The following MDGA1 variants were observed in gnomAD, a reference collection of about 807,000 sequenced individuals.
MDGA1 encodes MAM domain containing glycosylphosphatidylinositol anchor 1, also known as MAM domain-containing glycosylphosphatidylinositol anchor protein 1.
Under a neutral mutation model 101.5 loss-of-function variants are expected in MDGA1, and 54 were observed. That is an observed-to-expected ratio of 0.53 (90% confidence interval 0.43 to 0.67). The LOEUF (loss-of-function observed/expected upper bound fraction) is 0.67. MDGA1 is among the 30% of genes least tolerant of loss of function. The pLI, the probability that MDGA1 is intolerant of heterozygous loss-of-function variation, is 0.00. For synonymous variants in MDGA1, 533 were observed against 558.3 expected, an observed-to-expected ratio of 0.95 and a Z score of 0.64; for missense variants, 1,083 against 1,323.8, an observed-to-expected ratio of 0.82 and a Z score of 2.82.
intron 1 of MDGA1, among the ~76,000 whole-genome samples, chr6:37,677,549 T>C (rs1049789666): frequency 7.2e-5 from 11 of 151,980 alleles, no homozygotes; most frequent in African/African-American, 2.7e-4. Context: ...GCAGGAGACG[T>C]GTGTAGGAGA....
At chr6:37,690,271 C>T (rs1018250421) in intron 1 of MDGA1, among the ~76,000 whole-genome samples, 2 of 152,218 alleles carry the variant, frequency 1.3e-5, no homozygotes, top group Admixed American at 6.5e-5. Context: ...CCACACACAG[C>T]GGCATGGCTA....
rs1763834434 is a variant in MDGA1, at chr6:37,632,248, A to G, written c.*5120T>C. The G allele has an allele frequency of 1.3e-5, 2 of 152,320 alleles. No individual in the cohort carries two copies. The highest frequency in any genetic ancestry group is 2.1e-4 in the South Asian group (1 of 4,816). The allele number at this position is 152,320 out of a possible 1,614,324, so 9.4% of individuals were successfully genotyped here. On this transcript the variant is annotated 3_prime_UTR_variant, in exon 17 of 17. Transcript: ENST00000434837. The stretch of plus-strand genomic sequence containing the variant: ...TCATTATATATGTCTTGGTGTCATT[A>G]TTAGCTTACTGTCCATCTCTCCCAT...
chr6:37,669,004 C>T (rs376792463), intron 1 of MDGA1, among the ~76,000 whole-genome samples: 2 of 152,138 alleles, frequency 1.3e-5, no homozygotes, highest in Non-Finnish European at 1.5e-5. Flanking sequence ...TCTGCCACCA[C>T]GCCCAGGTAA....
At chr6:37,640,021 A>C (rs1188251596) in intron 14 of MDGA1, among the ~76,000 whole-genome samples, 1 of 152,138 alleles carries the variant, frequency 6.6e-6, no homozygotes, top group East Asian at 1.9e-4. Flanking sequence ...TAGGGAAGGG[A>C]AGATGTGAAT....
Position 37,644,519 on chromosome 6 carries a change from G to A in MDGA1, c.2379C>T (p.Thr793=), listed in dbSNP as rs763389891. The A allele has an allele frequency of 3.1e-5, 49 of 1,591,526 alleles. 1 individual carries two copies. Among genetic ancestry groups the A allele is most frequent in the South Asian group, 2.3e-4 (20 of 87,600 alleles). The change falls in exon 13 of 17, where the codon ACC becomes ACT. Residue 793 remains threonine (T), a synonymous_variant. Coordinates refer to ENST00000434837, the MANE Select transcript of MDGA1 (RefSeq NM_153487.4). ...PKRSPNTGPP[T]DISGTPEGYY... ...CACCCTCAGGGGTGCCACTTATGTC[G>A]GTGGGGGGACCAGTGTTGGGGGAGC...
At chr6:37,690,074 T>C (rs1408308683) in intron 1 of MDGA1, among the ~76,000 whole-genome samples, 1 of 152,202 alleles carries the variant, frequency 6.6e-6, no homozygotes, top group Non-Finnish European at 1.5e-5. Context: ...CACCTTCTAC[T>C]GCACTCCCCC....
intron 1 of MDGA1, among the ~76,000 whole-genome samples, chr6:37,689,650 C>T (rs551297574): frequency 6.6e-6 from 1 of 152,318 alleles, no homozygotes; most frequent in East Asian, 1.9e-4. Context: ...GTTTCTTATG[C>T]AGAGGTCGAG....
At chr6:37,661,439 T>C (rs1761621912) in intron 2 of MDGA1, among the ~76,000 whole-genome samples, 1 of 152,234 alleles carries the variant, frequency 6.6e-6, no homozygotes, top group Non-Finnish European at 1.5e-5. Context: ...GATATTTCCC[T>C]TGTTTCTCTA....
At chr6:37,656,260 T>C (rs1454825118) in intron 3 of MDGA1, among the ~76,000 whole-genome samples, 7 of 151,888 alleles carry the variant, frequency 4.6e-5, no homozygotes, top group Non-Finnish European at 8.8e-5. Context: ...GTATTTTTAG[T>C]AGAGGCGGGG....
rs1401673870 is a variant in MDGA1 at position 37,656,021 on chromosome 6, CCT to C, written c.383-127_383-126del. The C allele has an allele frequency of 4.4e-5, 32 of 727,716 alleles. No individual in the cohort carries two copies. The East Asian group carries it at 8.0e-4, about 18-fold the overall frequency. The allele number at this position is 727,716 out of a possible 1,614,324, so 45.1% of individuals were successfully genotyped here. A position where few individuals can be genotyped will look rare whatever the true frequency, so the allele number is the denominator to read the frequency against. On this transcript the variant is annotated intron_variant, in intron 3 of 16. Transcript: ENST00000434837. ...CAGACATTTCCAGATTGCCAGATGC[CCT>C]CTCAGCCCTGCAAGCTTAACTAACC...
intron 1 of MDGA1, among the ~76,000 whole-genome samples, chr6:37,675,240 A>G (rs1461347620): frequency 6.6e-6 from 1 of 152,110 alleles, no homozygotes; most frequent in Non-Finnish European, 1.5e-5. Flanking sequence ...TTACTCAGTG[A>G]CCAAGTGACC....
chr6:37,695,431 G>C (rs1316776646), intron 1 of MDGA1, among the ~76,000 whole-genome samples: 1 of 152,196 alleles, frequency 6.6e-6, no homozygotes, highest in Non-Finnish European at 1.5e-5. Context: ...CAGGCAGTAA[G>C]AGACACACAA....
At position 37,643,921 on chromosome 6, in the gene MDGA1, T is replaced by C. The variant is rs1177918521; in HGVS notation, c.2424A>G (p.Thr808=). 8.1e-6 allele frequency: 13 copies of C among 1,613,876 alleles called. No homozygotes were observed. The highest frequency in any genetic ancestry group is 8.5e-6 in the Non-Finnish European group (10 of 1,179,838). The change falls in exon 14 of 17, where the codon ACA becomes ACG. Residue 808 remains threonine, a synonymous_variant. Transcript: ENST00000434837. ...TPEGYYMFIE[T]SRPRELGDRA... ...GGTCCCCCAGCTCCCGAGGCCTCGA[T>C]GTCTCGATGAACATGTAGTAGCCTG...
In MDGA1 at chr6:37,657,006, A is replaced by G. The variant is rs141105852; in HGVS notation, c.383-1110T>C. ...AACAATGATTGCCTCCCAGGGGGGA[A>G]TTATTGACTGGGAGGGGGCATGAAG... On this transcript the variant is annotated intron_variant, in intron 3 of 16. Coordinates refer to ENST00000434837, the MANE Select transcript of MDGA1 (RefSeq NM_153487.4). Among the ~76,000 whole-genome samples the G allele has an allele frequency of 1.0e-3, 156 of 152,268 alleles. 1 individual carries two copies. The highest frequency in any genetic ancestry group is 3.3e-3 in the African/African-American group (136 of 41,558).
chr6:37,663,422 T>C lies in MDGA1; in HGVS notation c.207+545A>G, dbSNP rs188347481. ...ACTCCTGAAGTTCCCAACTCAAAGATGGACATGCTGGGAGGAAGCAGAGTA... is the reference window on the plus strand; with the variant it reads ...ACTCCTGAAGTTCCCAACTCAAAGACGGACATGCTGGGAGGAAGCAGAGTA... On this transcript the variant is annotated intron_variant, in intron 2 of 16. Transcript: ENST00000434837. Among the ~76,000 whole-genome samples the C allele has an allele frequency of 3.2e-3, 494 of 152,358 alleles. 4 individuals carry two copies. Among genetic ancestry groups the C allele is most frequent in the African/African-American group, 0.011 (465 of 41,588 alleles).
intron 1 of MDGA1, among the ~76,000 whole-genome samples, chr6:37,682,353 G>A (rs776514570): frequency 3.3e-4 from 51 of 152,254 alleles, no homozygotes; most frequent in African/African-American, 1.1e-3. Context: ...GCGTGGTGGC[G>A]GGTGCCTGTA....
intron 9 of MDGA1, chr6:37,648,681 A>C: frequency 2.0e-6 from 1 of 509,266 alleles, no homozygotes; most frequent in Non-Finnish European, 3.4e-6. Context: ...TAGGACTGGT[A>C]TAGGCATAGG....
At chr6:37,648,639 A>T (rs1366331642) in intron 9 of MDGA1, 2 of 365,782 alleles carry the variant, frequency 5.5e-6, no homozygotes, top group Non-Finnish European at 9.8e-6. Flanking sequence ...TCACACGCCC[A>T]GGAAGCGGGC....
intron 1 of MDGA1, among the ~76,000 whole-genome samples, chr6:37,669,921 A>C (rs1279990976): frequency 6.6e-6 from 1 of 152,234 alleles, no homozygotes; most frequent in Admixed American, 6.5e-5. Context: ...GGGTGATTTC[A>C]GAGTGTTAAA....
Sources: allele counts gnomAD v4.1 joint callset (sites outside exome capture counted in the v4.1 genomes callset), GRCh38; gene constraint gnomAD v4.1.1; transcripts MANE v1.5; gene names NCBI Gene and HGNC (gene_info 2026-07-23, HGNC 2026-07-21).